The following WDR19 variants were observed in gnomAD, a reference collection of about 807,000 sequenced individuals.
WDR19 encodes the protein WD repeat domain 19, also known as WD repeat-containing protein 19.
Under a neutral mutation model 180.0 loss-of-function variants are expected in WDR19, and 121 were observed. The ratio of observed to expected loss-of-function variants is 0.67; its 90% confidence interval spans 0.58 to 0.78. WDR19 has a LOEUF of 0.78. WDR19 is among the 30% of genes least tolerant of loss of function. WDR19 has a pLI of 0.00. For missense variants in WDR19, 1,450 were observed against 1,640.7 expected (o/e 0.88, Z 2.01); for synonymous variants, 497 against 540.7 (o/e 0.92, Z 1.12).
intron 6 of WDR19, among the ~76,000 whole-genome samples, chr4:39,200,292 T>A (rs528255196): frequency 1.8e-4 from 28 of 152,358 alleles, no homozygotes; most frequent in Non-Finnish European, 3.2e-4. Flanking sequence ...CATAACAAAT[T>A]AACCATTAAT....
intron 4 of WDR19, among the ~76,000 whole-genome samples, chr4:39,191,658 C>G (rs1225316161): frequency 1.3e-5 from 2 of 152,168 alleles, no homozygotes; most frequent in Non-Finnish European, 2.9e-5. Flanking sequence ...CCAGAGAAAA[C>G]CCTATACATA....
chr4:39,189,041 G>C (rs1468606771), intron 3 of WDR19, among the ~76,000 whole-genome samples: 1 of 151,998 alleles, frequency 6.6e-6, no homozygotes, highest in Non-Finnish European at 1.5e-5. Flanking sequence ...TCCTGCCTCA[G>C]CCTCCCAAGT....
At chr4:39,233,659 A>G (rs1731106722) in intron 19 of WDR19, among the ~76,000 whole-genome samples, 1 of 152,148 alleles carries the variant, frequency 6.6e-6, no homozygotes, top group South Asian at 2.1e-4. Flanking sequence ...GCAAATTTTC[A>G]TTTTTAAATT....
intron 4 of WDR19, among the ~76,000 whole-genome samples, chr4:39,191,984 G>C (rs1726206298): frequency 6.6e-6 from 1 of 152,130 alleles, no homozygotes; most frequent in Admixed American, 6.6e-5. Flanking sequence ...ATTGTAATTT[G>C]CAAGGGTTTC....
chr4:39,199,201 G>A (rs2109282402), intron 5 of WDR19, among the ~76,000 whole-genome samples: 1 of 152,192 alleles, frequency 6.6e-6, no homozygotes, highest in African/African-American at 2.4e-5. Flanking sequence ...TGCAGGTTTG[G>A]TTATATGATA....
intron 1 of WDR19, among the ~76,000 whole-genome samples, chr4:39,183,084 G>A (rs1400691428): frequency 6.6e-6 from 1 of 152,012 alleles, no homozygotes; most frequent in Non-Finnish European, 1.5e-5. Context: ...ACCTGCTAGC[G>A]AGTGTACATT....
At chr4:39,254,131 G>T in intron 26 of WDR19, 101 bp downstream of exon 26, 4 of 1,215,886 alleles carry the variant, frequency 3.3e-6, no homozygotes, top group Middle Eastern at 2.3e-4. Flanking sequence ...ACAAGAATGC[G>T]CCTGGTGTAA....
chr4:39,249,319 A>C (rs1345983404), intron 24 of WDR19, among the ~76,000 whole-genome samples: 1 of 152,184 alleles, frequency 6.6e-6, no homozygotes, highest in Non-Finnish European at 1.5e-5. Flanking sequence ...ACAACATACC[A>C]GAATCTCTGG....
At chr4:39,278,784 A>G in intron 36 of WDR19, 121 bp downstream of exon 36, 2 of 491,104 alleles carry the variant, frequency 4.1e-6, no homozygotes, top group Non-Finnish European at 3.6e-6. Context: ...AGATTTGAAC[A>G]ATCTGACAAC....
chr4:39,240,758 TGGCCAATA>T (rs1219311215), intron 21 of WDR19, among the ~76,000 whole-genome samples: 2 of 151,864 alleles, frequency 1.3e-5, no homozygotes, highest in African/African-American at 4.8e-5. Context: ...AAGACCAGCC[TGGCCAATA>T]TGGTGAAACC....
intron 9 of WDR19, among the ~76,000 whole-genome samples, chr4:39,213,283 A>G (rs180700142): frequency 6.6e-6 from 1 of 152,360 alleles, no homozygotes; most frequent in African/African-American, 2.4e-5. Context: ...AAACCTGTAT[A>G]TGAATGTTTA....
chr4:39,275,092 C>T, intron 33 of WDR19, 134 bp downstream of exon 33: 3 of 1,130,512 alleles, frequency 2.7e-6, no homozygotes, highest in South Asian at 2.7e-5. Flanking sequence ...ATAATCCCAA[C>T]ACTTTGGAAG....
intron 10 of WDR19, among the ~76,000 whole-genome samples, chr4:39,215,380 A>G (rs1433967091): frequency 6.6e-6 from 1 of 150,596 alleles, no homozygotes; most frequent in Non-Finnish European, 1.5e-5. Context: ...TACATTTTCT[A>G]TATTTAGATA....
At chr4:39,217,055 C>A in intron 12 of WDR19, 79 bp from the exon 13 acceptor site, 1 of 957,090 alleles carries the variant, frequency 1.0e-6, no homozygotes, top group Non-Finnish European at 1.5e-6. Flanking sequence ...CAAAAGCACA[C>A]CTTTTAAAAT....
At chr4:39,184,091 G>A (rs190029348) in intron 1 of WDR19, among the ~76,000 whole-genome samples, 1 of 152,254 alleles carries the variant, frequency 6.6e-6, no homozygotes, top group African/African-American at 2.4e-5. Context: ...CAATAGAGGG[G>A]AATTTCTTCT....
chr4:39,264,198 C>T lies in WDR19; in HGVS notation c.3184-1865C>T, dbSNP rs142426443. ...TGAGGCCCCAAGAGTAATCTGCCCA[C>T]GATCACATGGGTCTCAAGTAGTGTC... On this transcript the variant is annotated intron_variant, in intron 28 of 36. Coordinates refer to ENST00000399820, the MANE Select transcript of WDR19 (RefSeq NM_025132.4). 2.2e-4 allele frequency among the ~76,000 whole-genome samples: 33 copies of T among 152,244 alleles called. No individual in the cohort carries two copies. The East Asian group carries it at 5.2e-3, about 24-fold the overall frequency.
rs367590723 is a variant in WDR19, at chr4:39,211,967, G to C, written c.891-2634G>C. 2.9e-3 allele frequency among the ~76,000 whole-genome samples: 277 copies of C among 94,272 alleles called. 3 individuals carry two copies. Among genetic ancestry groups the C allele is most frequent in the African/African-American group, 8.3e-3 (258 of 31,144 alleles). 61.8% of individuals were successfully genotyped at this position (94,272 alleles called of 152,430 possible). A position where few individuals can be genotyped will look rare whatever the true frequency, so the allele number is the denominator to read the frequency against. On this transcript the variant is annotated intron_variant, in intron 9 of 36. Coordinates refer to ENST00000399820, the MANE Select transcript of WDR19 (RefSeq NM_025132.4). ...AGAGAGAGAGAGAGAGAGAGAGAGA[G>C]AGAGAGAGAGAGAGAGAGATAGATA...
At chr4:39,264,130 C>G (rs1035022607) in intron 28 of WDR19, among the ~76,000 whole-genome samples, 2 of 152,126 alleles carry the variant, frequency 1.3e-5, no homozygotes, top group Non-Finnish European at 2.9e-5. Flanking sequence ...CTTATTTAAT[C>G]CTCACAACAG....
At position 39,268,099 on chromosome 4, in the gene WDR19, C is replaced by T. The variant is rs368200969; in HGVS notation, c.3358+8C>T. The stretch of plus-strand genomic sequence containing the variant: ...GAGAAGAGCAGTCTGCAGGTAGGTC[C>T]GTGATACGTATGTGTTACTTCCCAA... On this transcript the variant is annotated splice_region_variant and intron_variant, in intron 30 of 36. Coordinates refer to ENST00000399820, the MANE Select transcript of WDR19 (RefSeq NM_025132.4). 35 of 1,568,008 alleles carry T rather than the reference C, an allele frequency of 2.2e-5. No individual in the cohort carries two copies. Among genetic ancestry groups the T allele is most frequent in the South Asian group, 7.0e-5 (6 of 85,280 alleles).
Sources: allele counts gnomAD v4.1 joint callset (sites outside exome capture counted in the v4.1 genomes callset), GRCh38; gene constraint gnomAD v4.1.1; transcripts MANE v1.5; gene names NCBI Gene and HGNC (gene_info 2026-07-23, HGNC 2026-07-21).